Variants in TTK observed in about 807,000 individuals in gnomAD.
TTK encodes dual specificity protein kinase TTK.
Under a neutral mutation model 117.3 loss-of-function variants are expected in TTK, and 59 were observed. The observed-to-expected ratio is 0.50, with a 90% CI of 0.41 to 0.62. TTK has a LOEUF of 0.62. TTK is among the 20% of genes least tolerant of loss of function. The pLI, the probability that TTK is intolerant of heterozygous loss-of-function variation, is 0.00. For missense variants in TTK, 921 were observed against 989.4 expected (o/e 0.93, Z 0.93); for synonymous variants, 302 against 325.0 (o/e 0.93, Z 0.76).
chr6:80,016,757 A>G (rs1212128818), intron 10 of TTK, among the ~76,000 whole-genome samples: 4 of 152,188 alleles, frequency 2.6e-5, no homozygotes, highest in African/African-American at 4.8e-5. Flanking sequence ...GTTTGTTAAC[A>G]TGTGCTCTAC....
intron 12 of TTK, among the ~76,000 whole-genome samples, chr6:80,027,524 C>T (rs1767637007): frequency 6.6e-6 from 1 of 152,102 alleles, no homozygotes; most frequent in South Asian, 2.1e-4. Context: ...TCTGATATTT[C>T]TAGCAAGCCA....
chr6:80,036,793 A>T (rs1767918194), intron 17 of TTK, among the ~76,000 whole-genome samples, 194 bp downstream of exon 17: 1 of 152,174 alleles, frequency 6.6e-6, no homozygotes, highest in African/African-American at 2.4e-5. Context: ...ATCAAATAGT[A>T]ATATCTCCAG....
At chr6:80,024,365 C>T (rs1031284298) in intron 11 of TTK, among the ~76,000 whole-genome samples, 5 of 152,168 alleles carry the variant, frequency 3.3e-5, no homozygotes, top group Middle Eastern at 3.4e-3. Context: ...AATATCCAAC[C>T]GATGAATGGA....
intron 8 of TTK, 67 bp downstream of exon 8, chr6:80,012,047 AAG>A: frequency 1.5e-6 from 2 of 1,319,498 alleles, no homozygotes; most frequent in Non-Finnish European, 2.1e-6. Flanking sequence ...AATGGTCTTA[AAG>A]TCTTTTACTG....
rs781342165 is a variant in TTK at position 80,008,508 on chromosome 6, C to G, written c.469+16C>G. ...CTGTCACAAGGTAATCTGAAAATGT[C>G]AAATTCAAATTTTAAGTAAAGGATA... is the stretch of plus-strand genomic sequence containing the variant. On this transcript the variant is annotated intron_variant, in intron 4 of 21. Transcript: ENST00000369798. 2.5e-6 allele frequency: 4 copies of G among 1,584,374 alleles called. No individual in the cohort carries two copies. Among genetic ancestry groups the G allele is most frequent in the Non-Finnish European group, 2.6e-6 (3 of 1,165,152 alleles).
In TTK at chr6:80,036,475, G is replaced by A. The variant is rs533668607; in HGVS notation, c.1925G>A (p.Gly642Asp). ...ATTACAGTGGATTTTTATTTTAAAG[G>A]CATTGTTCACAGTGATCTTAAACCA... ...LEAVHTIHQHGIVHSDLKPAN... is the reference protein window; with the variant it reads ...LEAVHTIHQHDIVHSDLKPAN... Residue 642 changes from glycine to aspartate, a missense_variant and splice_region_variant, in exon 17 of 22, where the codon GGC (glycine) becomes GAC (aspartate). Coordinates refer to ENST00000369798, the MANE Select transcript of TTK (RefSeq NM_003318.5). 1.9e-6 allele frequency: 3 copies of A among 1,596,332 alleles called. No homozygotes were observed. Among genetic ancestry groups the A allele is most frequent in the African/African-American group, 1.4e-5 (1 of 74,058 alleles).
chr6:80,025,852 A>G (rs1243212763), intron 11 of TTK, among the ~76,000 whole-genome samples: 1 of 147,886 alleles, frequency 6.8e-6, no homozygotes, highest in East Asian at 2.0e-4. Flanking sequence ...GATGAATCCT[A>G]TAGGTTCTTT....
chr6:80,011,116 AC>A (rs1440486778), intron 5 of TTK, among the ~76,000 whole-genome samples, 159 bp downstream of exon 5: 2 of 151,854 alleles, frequency 1.3e-5, no homozygotes, highest in African/African-American at 4.8e-5. Context: ...AGTCTCTACA[AC>A]CCCATGCAAA....
chr6:80,026,468 A>G lies in TTK; in HGVS notation c.1348A>G (p.Ile450Val), dbSNP rs144749454. The G allele has an allele frequency of 1.2e-4, 187 of 1,613,828 alleles. No individual in the cohort carries two copies. Among genetic ancestry groups the G allele is most frequent in the Non-Finnish European group, 1.5e-4 (173 of 1,179,908 alleles). Reference sequence around the variant, plus strand: ...ATCTAAATGGTTTGACCCAAAATCTATTTGTAAGACACCAAGCAGCAATAC... The same window carrying G: ...ATCTAAATGGTTTGACCCAAAATCTGTTTGTAAGACACCAAGCAGCAATAC... Reference protein sequence around the residue: ...STSKWFDPKSICKTPSSNTLD... With the variant: ...STSKWFDPKSVCKTPSSNTLD... Residue 450 changes from isoleucine (I) to valine (V), a missense_variant, in exon 12 of 22, where the codon ATT becomes GTT. Transcript: ENST00000369798.
intron 11 of TTK, among the ~76,000 whole-genome samples, chr6:80,022,693 T>G (rs1274581374): frequency 6.6e-6 from 1 of 152,242 alleles, no homozygotes; most frequent in Non-Finnish European, 1.5e-5. Context: ...TGTTTCTAGA[T>G]TGCCGATAGA....
At chr6:80,010,677 A>T in intron 4 of TTK, 137 bp from the exon 5 acceptor site, 2 of 865,810 alleles carry the variant, frequency 2.3e-6, no homozygotes, top group Non-Finnish European at 3.4e-6. Context: ...GAAATAAAAT[A>T]CATGAGCCTT....
At chr6:80,009,492 G>T (rs758975370) in intron 4 of TTK, among the ~76,000 whole-genome samples, 3 of 151,930 alleles carry the variant, frequency 2.0e-5, no homozygotes, top group Non-Finnish European at 4.4e-5. Flanking sequence ...CTCCTTGCTT[G>T]TTAGAGAAAA....
chr6:80,039,113 G>A (rs1480615609), intron 18 of TTK, among the ~76,000 whole-genome samples: 3 of 152,052 alleles, frequency 2.0e-5, no homozygotes, highest in African/African-American at 7.2e-5. Context: ...TTGGAATTGT[G>A]TAATTGGCTT....
intron 4 of TTK, among the ~76,000 whole-genome samples, chr6:80,008,941 G>C (rs899795689): frequency 8.3e-5 from 12 of 145,222 alleles, no homozygotes; most frequent in African/African-American, 3.1e-4. Context: ...GTGTGTGTGT[G>C]TGTGTGTGTG....
intron 3 of TTK, 119 bp downstream of exon 3, chr6:80,008,150 A>G: frequency 8.1e-7 from 1 of 1,239,310 alleles, no homozygotes; most frequent in Non-Finnish European, 1.1e-6. Flanking sequence ...TTTACCAAAT[A>G]CTTTTGCTTA....
At chr6:80,024,363 A>G (rs906957501) in intron 11 of TTK, among the ~76,000 whole-genome samples, 3 of 152,242 alleles carry the variant, frequency 2.0e-5, no homozygotes, top group African/African-American at 4.8e-5. Flanking sequence ...AAAATATCCA[A>G]CCGATGAATG....
chr6:80,022,487 A>G lies in TTK; in HGVS notation c.1257+15A>G, dbSNP rs1767487189. 2 of 1,609,854 alleles carry G rather than the reference A, an allele frequency of 1.2e-6. No homozygotes were observed. Among genetic ancestry groups the G allele is most frequent in the Non-Finnish European group, 1.7e-6 (2 of 1,178,882 alleles). ...TTAATACAGAGGTAACTTTTCCACT[A>G]AAGTACAATATTGCTTTTTTGTTCA... On this transcript the variant is annotated intron_variant, in intron 11 of 21. Transcript: ENST00000369798.
At chr6:80,022,180 G>A in intron 10 of TTK, 144 bp from the exon 11 acceptor site, 1 of 852,210 alleles carries the variant, frequency 1.2e-6, no homozygotes, top group East Asian at 2.7e-5. Context: ...TTAAGCAGCT[G>A]GCTTAAAGCT....
chr6:80,032,131 A>G (rs1188726262), intron 14 of TTK, among the ~76,000 whole-genome samples: 1 of 152,190 alleles, frequency 6.6e-6, no homozygotes, highest in Admixed American at 6.5e-5. Flanking sequence ...ATCTACTTCC[A>G]TTAGATTTTT....
Sources: gnomAD v4.1 joint callset for allele counts (sites outside exome capture counted in the v4.1 genomes callset) on GRCh38, gnomAD v4.1.1 for gene constraint, MANE v1.5 for transcripts, NCBI Gene and HGNC (gene_info 2026-07-23, HGNC 2026-07-21) for gene names.